Variants in TAOK3 observed in about 807,000 individuals in gnomAD.
The protein encoded by TAOK3 is serine/threonine-protein kinase TAO3.
Under a neutral mutation model 120.4 loss-of-function variants are expected in TAOK3, and 40 were observed. That is an observed-to-expected ratio of 0.33 (90% confidence interval 0.26 to 0.43). The LOEUF (loss-of-function observed/expected upper bound fraction) is 0.43, where lower values mean the gene tolerates loss of function less well. Ranked by LOEUF, TAOK3 falls within the 20% of genes least tolerant of loss-of-function variation. The pLI is 1.00. For synonymous variants in TAOK3, 355 were observed against 387.5 expected (o/e 0.92, Z 0.99); for missense variants, 821 against 1,112.1 (o/e 0.74, Z 3.72).
intron 5 of TAOK3, among the ~76,000 whole-genome samples, chr12:118,240,865 A>G (rs2040220847): frequency 6.6e-6 from 1 of 152,032 alleles, no homozygotes. Context: ...CATTAAAAAA[A>G]TTAATGTGAA....
intron 9 of TAOK3, among the ~76,000 whole-genome samples, chr12:118,223,028 A>T (rs1458013617): frequency 6.6e-6 from 1 of 151,196 alleles, no homozygotes; most frequent in African/African-American, 2.4e-5. Context: ...GATAAACACT[A>T]CCTGAAAAGG....
intron 1 of TAOK3, among the ~76,000 whole-genome samples, chr12:118,305,990 A>G (rs2043040245): frequency 6.6e-6 from 1 of 151,926 alleles, no homozygotes; most frequent in Non-Finnish European, 1.5e-5. Context: ...TTCTTCTGTC[A>G]TAGGATAGAA....
intron 15 of TAOK3, among the ~76,000 whole-genome samples, chr12:118,179,947 GTT>G (rs34157387): frequency 4.2e-5 from 5 of 118,134 alleles, no homozygotes; most frequent in Non-Finnish European, 5.1e-5. Context: ...TGCCTGGCTG[GTT>G]TTTTTTTTTT....
rs141474147 is a variant in TAOK3 at position 118,284,587 on chromosome 12, G to A, written c.-193-17828C>T. On this transcript the variant is annotated intron_variant, in intron 1 of 20. Transcript: ENST00000392533. ...ATAATGACTGTTTTCTAGTAAAACTGAATTGAAGGTGATGGATAGACATAC... is the reference window on the plus strand; with the variant it reads ...ATAATGACTGTTTTCTAGTAAAACTAAATTGAAGGTGATGGATAGACATAC... 7.4e-3 allele frequency among the ~76,000 whole-genome samples: 1,132 copies of A among 152,282 alleles called. 9 individuals are homozygous for A. The highest frequency in any genetic ancestry group is 9.3e-3 in the Non-Finnish European group (631 of 68,022).
chr12:118,256,115 T>G (rs1484965920), intron 2 of TAOK3: 1 of 151,654 alleles, frequency 6.6e-6, no homozygotes, highest in Admixed American at 6.6e-5. Context: ...ACATATGATT[T>G]GAATACACAT....
chr12:118,362,567 A>G (rs971230691), intron 1 of TAOK3, among the ~76,000 whole-genome samples: 2 of 152,306 alleles, frequency 1.3e-5, no homozygotes, highest in African/African-American at 2.4e-5. Flanking sequence ...TTATTTGTTC[A>G]CAGTCGCAAA....
At chr12:118,317,865 A>C (rs1157127688) in intron 1 of TAOK3, among the ~76,000 whole-genome samples, 1 of 152,234 alleles carries the variant, frequency 6.6e-6, no homozygotes, top group Non-Finnish European at 1.5e-5. Flanking sequence ...CATTTCCTGC[A>C]GCTTATTACA....
chr12:118,251,966 C>T (rs920799397), intron 3 of TAOK3, among the ~76,000 whole-genome samples: 6 of 152,138 alleles, frequency 3.9e-5, no homozygotes, highest in East Asian at 1.9e-4. Context: ...GGACTACAGG[C>T]GCCCGCCACC....
chr12:118,180,414 T>C (rs1370960803), intron 15 of TAOK3, among the ~76,000 whole-genome samples: 2 of 152,026 alleles, frequency 1.3e-5, no homozygotes, highest in East Asian at 3.9e-4. Context: ...CTAACTTTTG[T>C]ATTTTTTGTG....
intron 13 of TAOK3, among the ~76,000 whole-genome samples, chr12:118,191,841 G>A (rs1244635963): frequency 6.6e-6 from 1 of 152,128 alleles, no homozygotes; most frequent in Non-Finnish European, 1.5e-5. Context: ...GCTCTTAAAT[G>A]CCAGTAATCA....
chr12:118,239,166 C>T (rs573628958), intron 6 of TAOK3, 61 bp downstream of exon 6: 42 of 1,062,848 alleles, frequency 4.0e-5, no homozygotes, highest in African/African-American at 2.3e-4. Context: ...TTTAGTATGG[C>T]GGTAGATAAC....
At position 118,160,092 on chromosome 12, in the gene TAOK3, A is replaced by G; in HGVS notation, c.2352+54T>C. On this transcript the variant is annotated intron_variant, in intron 19 of 20. Coordinates refer to ENST00000392533, the MANE Select transcript of TAOK3 (RefSeq NM_016281.4). The surrounding 1 kb of genome is among the most constrained non-coding windows in gnomAD (Gnocchi z 4.2). ...TTGGGAACAACAGGCTGGATCTTGG[A>G]TTTTCTTGATTCCCAAAGCTCTCGA... 7.1e-7 allele frequency: 1 copy of G among 1,404,918 alleles called. No homozygotes were observed. The highest frequency in any genetic ancestry group is 1.0e-6 in the Non-Finnish European group (1 of 992,150). The allele number at this position is 1,404,918 out of a possible 1,614,324, so 87.0% of individuals were successfully genotyped here.
At chr12:118,345,238 GT>G (rs1261429438) in intron 1 of TAOK3, among the ~76,000 whole-genome samples, 3 of 152,134 alleles carry the variant, frequency 2.0e-5, no homozygotes, top group African/African-American at 7.2e-5. Flanking sequence ...ATGATACAAA[GT>G]AGAATAGATT....
chr12:118,296,040 T>G (rs2042668103), intron 1 of TAOK3, among the ~76,000 whole-genome samples: 1 of 152,242 alleles, frequency 6.6e-6, no homozygotes, highest in Non-Finnish European at 1.5e-5. Flanking sequence ...CACCTGTGTG[T>G]ATGTGTATGC....
At chr12:118,257,557 A>G (rs2041042028) in intron 2 of TAOK3, among the ~76,000 whole-genome samples, 1 of 152,182 alleles carries the variant, frequency 6.6e-6, no homozygotes, top group Non-Finnish European at 1.5e-5. Flanking sequence ...ATCACAGGAT[A>G]GTTGGTGTTT....
chr12:118,280,232 TG>T (rs1351759227), intron 1 of TAOK3, among the ~76,000 whole-genome samples: 1 of 152,178 alleles, frequency 6.6e-6, no homozygotes, highest in Non-Finnish European at 1.5e-5. Context: ...AGCTAATTTT[TG>T]TATTTTTAGT....
At chr12:118,277,097 T>C (rs151219800) in intron 1 of TAOK3, among the ~76,000 whole-genome samples, 68 of 152,330 alleles carry the variant, frequency 4.5e-4, no homozygotes, top group African/African-American at 1.6e-3. Context: ...AACTCAACAA[T>C]TGCTTTGACA....
rs201054933 is a variant in TAOK3, at chr12:118,239,246, T to G, written c.321A>C (p.Ser107=). 1.8e-5 allele frequency: 28 copies of G among 1,547,200 alleles called. No individual in the cohort carries two copies. In the East Asian group the frequency reaches 6.3e-4, roughly 35 times the overall value. Residue 107 remains serine, a synonymous_variant, in exon 6 of 21, where the codon TCA becomes TCC. Coordinates refer to ENST00000392533, the MANE Select transcript of TAOK3 (RefSeq NM_016281.4). The part of the protein sequence containing the change: ...AWLVMEYCLG[S]ASDLLEVHKK... ...TCTTACCTTCTAATAAATCAGAGGCTGAGCCTAAGCAATATTCCATCACCA... is the reference window on the plus strand; with the variant it reads ...TCTTACCTTCTAATAAATCAGAGGCGGAGCCTAAGCAATATTCCATCACCA...
At chr12:118,265,868 T>C (rs1400474634) in intron 2 of TAOK3, among the ~76,000 whole-genome samples, 2 of 152,356 alleles carry the variant, frequency 1.3e-5, no homozygotes, top group Admixed American at 6.5e-5. Flanking sequence ...TTGTGTTTTA[T>C]CTGAAGTTAG....
Sources: gnomAD v4.1 joint callset for allele counts (sites outside exome capture counted in the v4.1 genomes callset) on GRCh38, gnomAD v4.1.1 for gene constraint, Gnocchi (gnomAD v3.1) non-coding constraint, MANE v1.5 for transcripts, NCBI Gene and HGNC (gene_info 2026-07-23, HGNC 2026-07-21) for gene names.